CHODL: variants seen among roughly 807,000 people sequenced by gnomAD.
The protein encoded by CHODL is chondrolectin.
A neutral mutation model predicts 34.5 loss-of-function variants in CHODL; 29 were observed. The observed-to-expected ratio is 0.84, with a 90% CI of 0.63 to 1.15. The LOEUF (loss-of-function observed/expected upper bound fraction) is 1.15, where lower values mean the gene tolerates loss of function less well. Ranked by LOEUF, CHODL falls within the 50% of genes most tolerant of loss-of-function variation. The pLI, the probability that CHODL is intolerant of heterozygous loss-of-function variation, is 0.00. For missense variants in CHODL, 332 were observed against 332.5 expected (o/e 1.00, Z 0.01); for synonymous variants, 125 against 116.1 (o/e 1.08, Z -0.49).
intron 2 of CHODL, among the ~76,000 whole-genome samples, chr21:18,204,001 A>G (rs1204605049): frequency 6.6e-6 from 1 of 152,172 alleles, no homozygotes; most frequent in South Asian, 2.1e-4. Context: ...TTTATATGCT[A>G]AAATAACCTA....
intron 2 of CHODL, among the ~76,000 whole-genome samples, chr21:18,214,639 C>CATAT (rs901557012): frequency 6.6e-6 from 1 of 152,058 alleles, no homozygotes; most frequent in Non-Finnish European, 1.5e-5. Flanking sequence ...TTAAGGAATG[C>CATAT]ATATATGGAA....
intron 2 of CHODL, among the ~76,000 whole-genome samples, chr21:18,086,244 CT>C (rs2146522278): frequency 6.6e-6 from 1 of 151,868 alleles, no homozygotes; most frequent in South Asian, 2.1e-4. Context: ...AAATTTCTTA[CT>C]TATATTCTGA....
chr21:17,988,113 GA>G (rs1246730309), intron 1 of CHODL, among the ~76,000 whole-genome samples: 1 of 152,158 alleles, frequency 6.6e-6, no homozygotes, highest in Non-Finnish European at 1.5e-5. Flanking sequence ...CATAGAGGAT[GA>G]AAAATTCCAG....
At chr21:17,999,749 C>A (rs576403924) in intron 1 of CHODL, among the ~76,000 whole-genome samples, 64 of 152,278 alleles carry the variant, frequency 4.2e-4, no homozygotes, top group African/African-American at 1.3e-3. Context: ...CCTCCCACAA[C>A]ACATGGGAAT....
At chr21:18,082,051 C>G (rs1212748625) in intron 2 of CHODL, among the ~76,000 whole-genome samples, 1 of 152,214 alleles carries the variant, frequency 6.6e-6, no homozygotes, top group Admixed American at 6.5e-5. Flanking sequence ...CCACCCAAAT[C>G]TCATCTGAAT....
At chr21:18,214,089 T>C (rs899673175) in intron 2 of CHODL, among the ~76,000 whole-genome samples, 12 of 152,092 alleles carry the variant, frequency 7.9e-5, no homozygotes, top group African/African-American at 1.7e-4. Context: ...CTCTAATAAA[T>C]TTGCAATGCC....
intron 1 of CHODL, among the ~76,000 whole-genome samples, chr21:18,006,545 A>G (rs1237840659): frequency 2.0e-5 from 3 of 152,194 alleles, no homozygotes; most frequent in Non-Finnish European, 4.4e-5. Flanking sequence ...AATTATCTTT[A>G]CACTGATATT....
chr21:18,208,965 T>C (rs1200176563), intron 2 of CHODL, among the ~76,000 whole-genome samples: 3 of 144,328 alleles, frequency 2.1e-5, no homozygotes, highest in Non-Finnish European at 4.6e-5. Context: ...TGCTGGATCA[T>C]ACCTGAAGCC....
chr21:18,109,677 G>A (rs1259252732), intron 2 of CHODL, among the ~76,000 whole-genome samples: 1 of 152,030 alleles, frequency 6.6e-6, no homozygotes, highest in Non-Finnish European at 1.5e-5. Context: ...TATGTTCAGG[G>A]CTGCATTGTA....
chr21:18,147,265 A>G (rs955755035), intron 2 of CHODL, among the ~76,000 whole-genome samples: 5 of 152,202 alleles, frequency 3.3e-5, no homozygotes, highest in African/African-American at 9.7e-5. Context: ...TGCTCCGCAG[A>G]CTCAGCAAAC....
intron 1 of CHODL, among the ~76,000 whole-genome samples, chr21:17,927,815 T>C (rs1274577751): frequency 6.6e-6 from 1 of 152,214 alleles, no homozygotes; most frequent in Non-Finnish European, 1.5e-5. Context: ...TTATATATAG[T>C]AGGCTTCCAA....
chr21:18,069,829 C>CAA (rs1268242695), intron 2 of CHODL, among the ~76,000 whole-genome samples: 1 of 151,852 alleles, frequency 6.6e-6, no homozygotes, highest in Admixed American at 6.6e-5. Flanking sequence ...AGGCTGGTCT[C>CAA]AAACTCCTGG....
At chr21:18,228,204 T>A (rs1481590520) in intron 2 of CHODL, among the ~76,000 whole-genome samples, 2 of 152,278 alleles carry the variant, frequency 1.3e-5, no homozygotes, top group East Asian at 3.9e-4. Flanking sequence ...ATGGTTTAAT[T>A]TTTTAAGCTA....
intron 2 of CHODL, among the ~76,000 whole-genome samples, chr21:18,064,851 T>C (rs1157303343): frequency 6.6e-6 from 1 of 152,218 alleles, no homozygotes; most frequent in East Asian, 1.9e-4. Context: ...TCTGGATAAC[T>C]CTAATACAAT....
intron 1 of CHODL, among the ~76,000 whole-genome samples, chr21:17,971,577 G>A (rs1360138855): frequency 6.6e-6 from 1 of 151,950 alleles, no homozygotes; most frequent in Non-Finnish European, 1.5e-5. Context: ...TTTTTGATGG[G>A]TTGTTTGTTT....
chr21:18,172,642 T>C (rs2073245872), intron 2 of CHODL, among the ~76,000 whole-genome samples: 1 of 152,116 alleles, frequency 6.6e-6, no homozygotes, highest in South Asian at 2.1e-4. Context: ...TTTGAAAAAG[T>C]TGATTCTGAC....
intron 2 of CHODL, among the ~76,000 whole-genome samples, chr21:18,133,611 C>G (rs968833185): frequency 6.6e-6 from 1 of 152,052 alleles, no homozygotes; most frequent in Non-Finnish European, 1.5e-5. Context: ...ATTTACTGTC[C>G]AGGATAATAA....
At chr21:18,085,582 G>A (rs2064995948) in intron 2 of CHODL, among the ~76,000 whole-genome samples, 1 of 152,016 alleles carries the variant, frequency 6.6e-6, no homozygotes, top group South Asian at 2.1e-4. Flanking sequence ...GCATTTGTTG[G>A]TATGGGAAAG....
chr21:18,170,306 G>A (rs184213386), intron 2 of CHODL, among the ~76,000 whole-genome samples: 214 of 151,890 alleles, frequency 1.4e-3, no homozygotes, highest in Middle Eastern at 6.8e-3. Flanking sequence ...ATTAGTTTGT[G>A]TCTTTCAAAC....
Sources: allele counts gnomAD v4.1 joint callset (sites outside exome capture counted in the v4.1 genomes callset), GRCh38; gene constraint gnomAD v4.1.1; transcripts MANE v1.5; gene names NCBI Gene and HGNC (gene_info 2026-07-23, HGNC 2026-07-21).